SYNE2: variants seen among roughly 807,000 people sequenced by gnomAD.
SYNE2 encodes nesprin-2.
A neutral mutation model predicts 856.3 loss-of-function variants in SYNE2; 431 were observed. That is an observed-to-expected ratio of 0.50 (90% CI 0.47 to 0.55). SYNE2 has a LOEUF of 0.55. Ranked by LOEUF, SYNE2 falls within the 20% of genes least tolerant of loss-of-function variation. The pLI is 0.00. For missense variants in SYNE2, 8,129 were observed against 8,023.2 expected (o/e 1.01, Z -0.50); for synonymous variants, 2,923 against 2,872.3 (o/e 1.02, Z -0.56).
chr14:64,164,434 A>G (rs1334051694), intron 89 of SYNE2, among the ~76,000 whole-genome samples: 1 of 152,098 alleles, frequency 6.6e-6, no homozygotes, highest in East Asian at 1.9e-4. Context: ...TAATTAGTAG[A>G]GATGGGGTTT....
intron 1 of SYNE2, among the ~76,000 whole-genome samples, chr14:63,823,260 C>A (rs1255100298): frequency 1.3e-5 from 2 of 151,674 alleles, no homozygotes; most frequent in Non-Finnish European, 2.9e-5. Context: ...CTCACTGCAA[C>A]CTCCACCTCC....
chr14:63,922,891 A>G (rs1003969653), intron 2 of SYNE2, among the ~76,000 whole-genome samples: 1 of 152,168 alleles, frequency 6.6e-6, no homozygotes. Flanking sequence ...CCAAAATGTA[A>G]GAACCCTGGA....
At position 63,991,637 on chromosome 14, in the gene SYNE2, G is replaced by A. The variant is rs187157484; in HGVS notation, c.2646+522G>A. On this transcript the variant is annotated intron_variant, in intron 21 of 115. Coordinates refer to ENST00000555002, the MANE Select transcript of SYNE2 (RefSeq NM_182914.3). ...AGTTTCAGGTTGATTTTTATGGTTTGATAGGCTGAGGTTGCAGCTTAAGAT... is the reference window on the plus strand; with the variant it reads ...AGTTTCAGGTTGATTTTTATGGTTTAATAGGCTGAGGTTGCAGCTTAAGAT... 4.0e-3 allele frequency among the ~76,000 whole-genome samples: 610 copies of A among 152,270 alleles called. 7 individuals are homozygous for A. The highest frequency in any genetic ancestry group is 0.014 in the African/African-American group (574 of 41,544).
intron 99 of SYNE2, among the ~76,000 whole-genome samples, chr14:64,201,635 C>T (rs1284104163): frequency 2.0e-5 from 3 of 152,108 alleles, no homozygotes; most frequent in Non-Finnish European, 4.4e-5. Context: ...CTTACTTACA[C>T]TTTGGCTACA....
intron 11 of SYNE2, among the ~76,000 whole-genome samples, chr14:63,972,369 TTAAG>T (rs1366195072): frequency 6.6e-6 from 1 of 152,166 alleles, no homozygotes; most frequent in Non-Finnish European, 1.5e-5. Context: ...TTTTACAAGA[TTAAG>T]TACTGTAAAT....
intron 82 of SYNE2, among the ~76,000 whole-genome samples, chr14:64,142,571 C>T (rs1289855400): frequency 4.6e-5 from 7 of 152,196 alleles, no homozygotes; most frequent in Non-Finnish European, 1.0e-4. Context: ...GACTAGGTGA[C>T]TTTCCTGGAT....
At chr14:64,199,696 C>T (rs908425673) in intron 99 of SYNE2, among the ~76,000 whole-genome samples, 2 of 122,114 alleles carry the variant, frequency 1.6e-5, no homozygotes, top group Admixed American at 1.1e-4. Context: ...CCAGCGTAGG[C>T]GATAGAGACT....
At chr14:63,994,721 G>T (rs1247534143) in intron 22 of SYNE2, among the ~76,000 whole-genome samples, 3 of 152,076 alleles carry the variant, frequency 2.0e-5, no homozygotes. Context: ...ATCTTATCCA[G>T]GATATACATT....
chr14:64,208,518 G>C (rs2098620941), intron 100 of SYNE2, among the ~76,000 whole-genome samples: 1 of 152,196 alleles, frequency 6.6e-6, no homozygotes, highest in Admixed American at 6.5e-5. Flanking sequence ...CCCCTCACAT[G>C]GTTCAGCGCA....
chr14:64,058,042 A>T (rs1042358673), intron 49 of SYNE2, among the ~76,000 whole-genome samples: 1 of 152,158 alleles, frequency 6.6e-6, no homozygotes, highest in African/African-American at 2.4e-5. Flanking sequence ...GGTAGCTTGC[A>T]AATATTTTCT....
At chr14:64,034,975 C>G (rs1420412100) in intron 45 of SYNE2, among the ~76,000 whole-genome samples, 1 of 149,592 alleles carries the variant, frequency 6.7e-6, no homozygotes, top group Non-Finnish European at 1.5e-5. Flanking sequence ...TACAGCTTAT[C>G]TAGTATGGAA....
At position 64,207,180 on chromosome 14, in the gene SYNE2, G is replaced by A. The variant is rs114576628; in HGVS notation, c.18202-1578G>A. Among the ~76,000 whole-genome samples, 1,396 of 152,290 alleles carry A rather than the reference G, an allele frequency of 9.2e-3. 32 individuals carry two copies. Among genetic ancestry groups the A allele is most frequent in the African/African-American group, 0.032 (1,345 of 41,556 alleles). Reference sequence around the variant, plus strand: ...CATTTGTACTCGGGATCAGTGTTAGGAACTGCCTGATTTAAAATTCAGTTG... The same window carrying A: ...CATTTGTACTCGGGATCAGTGTTAGAAACTGCCTGATTTAAAATTCAGTTG... On this transcript the variant is annotated intron_variant, in intron 100 of 115. Coordinates refer to ENST00000555002, the MANE Select transcript of SYNE2 (RefSeq NM_182914.3).
intron 1 of SYNE2, among the ~76,000 whole-genome samples, chr14:63,817,368 G>A (rs572744902): frequency 7.2e-5 from 11 of 152,328 alleles, no homozygotes; most frequent in African/African-American, 2.4e-4. Context: ...TCAGGAGGCT[G>A]TGATGGGAGG....
intron 13 of SYNE2, among the ~76,000 whole-genome samples, chr14:63,978,401 T>C (rs2096560802): frequency 6.6e-6 from 1 of 152,216 alleles, no homozygotes; most frequent in Non-Finnish European, 1.5e-5. Context: ...TTACAAACTG[T>C]AAAATACTAC....
chr14:64,038,519 G>T (rs1400804913), intron 45 of SYNE2, among the ~76,000 whole-genome samples: 1 of 152,196 alleles, frequency 6.6e-6, no homozygotes, highest in Non-Finnish European at 1.5e-5. Context: ...GTAGCGAGCC[G>T]AGATCACGCC....
chr14:64,151,364 G>A (rs1458377244), intron 84 of SYNE2, among the ~76,000 whole-genome samples: 2 of 139,758 alleles, frequency 1.4e-5, no homozygotes, highest in African/African-American at 5.4e-5. Context: ...CCATGCCCAC[G>A]AGGCACTCAT....
intron 23 of SYNE2, 139 bp downstream of exon 23, chr14:63,995,341 T>A (rs1417381497): frequency 1.2e-5 from 8 of 654,308 alleles, no homozygotes; most frequent in Non-Finnish European, 2.1e-5. Flanking sequence ...ATCACTTCTT[T>A]GCTTCACACT....
At chr14:63,948,782 GTATATATATA>G (rs3062027) in intron 6 of SYNE2, among the ~76,000 whole-genome samples, 911 of 43,866 alleles carry the variant, frequency 0.021, 32 homozygotes, top group African/African-American at 0.063. Flanking sequence ...ATGTGTGTGT[GTATATATATA>G]TATATATATA....
intron 32 of SYNE2, among the ~76,000 whole-genome samples, chr14:64,014,927 C>A (rs1192052369): frequency 3.0e-5 from 2 of 66,522 alleles, no homozygotes; most frequent in East Asian, 4.4e-4. Context: ...GTGTATAATT[C>A]CTTATATATA....
Sources: allele counts gnomAD v4.1 joint callset (sites outside exome capture counted in the v4.1 genomes callset), GRCh38; gene constraint gnomAD v4.1.1; transcripts MANE v1.5; gene names NCBI Gene and HGNC (gene_info 2026-07-23, HGNC 2026-07-21).